NRG3: variants seen among roughly 807,000 people sequenced by gnomAD.
NRG3 encodes neuregulin 3, also known as pro-neuregulin-3, membrane-bound isoform.
A neutral mutation model predicts 66.9 loss-of-function variants in NRG3; 31 were observed. The observed-to-expected ratio is 0.46, with a 90% CI of 0.35 to 0.63. The LOEUF is 0.63. NRG3 is among the 20% of genes least tolerant of loss of function. The probability of loss-of-function intolerance (pLI) is 0.00; values close to 1 mark genes in which losing one functional copy is unlikely to be tolerated. For missense variants in NRG3, 910 were observed against 878.9 expected, an observed-to-expected ratio of 1.04 and a Z score of -0.45; for synonymous variants, 393 against 359.4, an observed-to-expected ratio of 1.09 and a Z score of -1.06.
At chr10:82,480,107 T>G (rs1842139860) in intron 2 of NRG3, among the ~76,000 whole-genome samples, 2 of 152,264 alleles carry the variant, frequency 1.3e-5, no homozygotes, top group Non-Finnish European at 2.9e-5. Flanking sequence ...CTCGAAAGAT[T>G]GCGTATTGCA....
chr10:82,885,839 G>A (rs1842674097), intron 4 of NRG3, among the ~76,000 whole-genome samples: 1 of 152,044 alleles, frequency 6.6e-6, no homozygotes, highest in African/African-American at 2.4e-5. Context: ...TGGGATTACA[G>A]GCGTGAGCCA....
At chr10:82,494,940 C>CTT (rs982018432) in intron 2 of NRG3, among the ~76,000 whole-genome samples, 2 of 145,718 alleles carry the variant, frequency 1.4e-5, no homozygotes, top group African/African-American at 5.0e-5. Context: ...TTTCTTTTTT[C>CTT]TTTTTTTTTT....
At chr10:82,370,405 C>T (rs1008375593) in intron 2 of NRG3, among the ~76,000 whole-genome samples, 2 of 138,398 alleles carry the variant, frequency 1.4e-5, no homozygotes, top group Non-Finnish European at 3.0e-5. Flanking sequence ...TCTTTCTCTG[C>T]CGCGTCGTTC....
chr10:82,651,337 A>G (rs1017006065), intron 2 of NRG3, among the ~76,000 whole-genome samples: 24 of 152,196 alleles, frequency 1.6e-4, no homozygotes, highest in African/African-American at 5.5e-4. Context: ...CATATTTCCT[A>G]ATAAGGGGAA....
At chr10:82,312,412 A>G (rs1002561007) in intron 1 of NRG3, among the ~76,000 whole-genome samples, 3 of 152,212 alleles carry the variant, frequency 2.0e-5, no homozygotes, top group Non-Finnish European at 4.4e-5. Flanking sequence ...AGGTTGGCAG[A>G]AAATCTGAAA....
In NRG3 at chr10:82,144,195, G is replaced by A. The variant is rs529606506; in HGVS notation, c.824-214544G>A. 4.8e-4 allele frequency among the ~76,000 whole-genome samples: 73 copies of A among 152,182 alleles called. 1 individual carries two copies. The South Asian group carries it at 0.011, about 23-fold the overall frequency. On this transcript the variant is annotated intron_variant, in intron 1 of 8. Coordinates refer to ENST00000372141, the MANE Select transcript of NRG3 (RefSeq NM_001010848.4). ...ATGACTTCTGTGCTCTTATTCACGTGAGGCTTCTATTTAATTATCTTGTCA... is the reference window on the plus strand; with the variant it reads ...ATGACTTCTGTGCTCTTATTCACGTAAGGCTTCTATTTAATTATCTTGTCA...
intron 1 of NRG3, among the ~76,000 whole-genome samples, chr10:82,296,752 C>G (rs1284612292): frequency 6.6e-6 from 1 of 151,718 alleles, no homozygotes; most frequent in Non-Finnish European, 1.5e-5. Context: ...AACATCAGAA[C>G]TTATTCCTTC....
At chr10:82,317,317 T>C (rs550509228) in intron 1 of NRG3, among the ~76,000 whole-genome samples, 2 of 152,154 alleles carry the variant, frequency 1.3e-5, no homozygotes, top group East Asian at 3.9e-4. Flanking sequence ...CATCTAAATG[T>C]CAGATCCAGG....
intron 2 of NRG3, among the ~76,000 whole-genome samples, chr10:82,718,259 T>C (rs953976174): frequency 2.6e-5 from 4 of 152,192 alleles, no homozygotes; most frequent in Admixed American, 6.5e-5. Flanking sequence ...TATCATCCCT[T>C]GCTTAGCTTC....
intron 2 of NRG3, among the ~76,000 whole-genome samples, chr10:82,482,263 T>C (rs1283896694): frequency 2.6e-5 from 4 of 152,160 alleles, no homozygotes; most frequent in African/African-American, 7.2e-5. Context: ...TTTATGAGCA[T>C]TGAGCACACT....
At chr10:82,907,366 G>T (rs72830083) in intron 4 of NRG3, among the ~76,000 whole-genome samples, 21,831 of 152,032 alleles carry the variant, frequency 0.14, 2,381 homozygotes, top group East Asian at 0.51. Context: ...ATAATTTTCT[G>T]GAATATATCA....
intron 1 of NRG3, among the ~76,000 whole-genome samples, chr10:82,324,947 C>T (rs375679780): frequency 3.1e-4 from 47 of 152,248 alleles, no homozygotes; most frequent in South Asian, 1.7e-3. Context: ...TTCAAGTTTT[C>T]TATATCTCCA....
At chr10:81,897,277 A>G (rs535987060) in intron 1 of NRG3, among the ~76,000 whole-genome samples, 1 of 152,126 alleles carries the variant, frequency 6.6e-6, no homozygotes, top group Non-Finnish European at 1.5e-5. Context: ...GTAATGGAAA[A>G]CCACAGGGAC....
chr10:82,401,006 G>C (rs1264888663), intron 2 of NRG3, among the ~76,000 whole-genome samples: 1 of 152,114 alleles, frequency 6.6e-6, no homozygotes, highest in African/African-American at 2.4e-5. Context: ...AATGAGATGT[G>C]CACAAGGATG....
intron 1 of NRG3, among the ~76,000 whole-genome samples, chr10:82,328,718 T>TCCTGGGATG (rs1298142314): frequency 6.6e-6 from 1 of 152,202 alleles, no homozygotes; most frequent in Non-Finnish European, 1.5e-5. Context: ...CACAGAAACC[T>TCCTGGGATG]CCTGGCATGC....
intron 1 of NRG3, chr10:81,889,145 CT>C (rs1310752600): frequency 6.6e-6 from 1 of 152,168 alleles, no homozygotes; most frequent in Admixed American, 6.5e-5. Context: ...AGAAGGAACT[CT>C]TGATTTCACT....
chr10:82,584,038 A>G (rs765360256), intron 2 of NRG3, among the ~76,000 whole-genome samples: 25 of 152,156 alleles, frequency 1.6e-4, no homozygotes, highest in Admixed American at 7.2e-4. Context: ...ACATTTAAAG[A>G]GCCTCACAAA....
chr10:82,341,461 T>C (rs1008853220), intron 1 of NRG3, among the ~76,000 whole-genome samples: 15 of 152,128 alleles, frequency 9.9e-5, no homozygotes, highest in Non-Finnish European at 1.6e-4. Context: ...GAAAATGATA[T>C]TTATATTGGA....
chr10:82,401,308 T>C (rs975161696), intron 2 of NRG3, among the ~76,000 whole-genome samples: 5 of 152,136 alleles, frequency 3.3e-5, no homozygotes, highest in African/African-American at 1.2e-4. Context: ...TACACATGTA[T>C]ATGGGTGTGT....
Sources: allele counts gnomAD v4.1 joint callset (sites outside exome capture counted in the v4.1 genomes callset), GRCh38; gene constraint gnomAD v4.1.1; transcripts MANE v1.5; gene names NCBI Gene and HGNC (gene_info 2026-07-23, HGNC 2026-07-21).